The following RAB3C variants were observed in gnomAD, a reference collection of about 807,000 sequenced individuals.
RAB3C encodes the protein RAB3C, member RAS oncogene family.
RAB3C carries 17 observed loss-of-function variants against 26.4 expected under a neutral mutation model. That is an observed-to-expected ratio of 0.64 (90% CI 0.44 to 0.97). The LOEUF is 0.97. Among genes scored for constraint, RAB3C ranks in the 50% least tolerant of loss-of-function variants. The pLI is 0.00. For missense variants in RAB3C, 242 were observed against 281.9 expected, an observed-to-expected ratio of 0.86 and a Z score of 1.01; for synonymous variants, 91 against 95.9, an observed-to-expected ratio of 0.95 and a Z score of 0.30.
At chr5:58,781,214 A>G (rs1579915118) in intron 3 of RAB3C, among the ~76,000 whole-genome samples, 2 of 152,248 alleles carry the variant, frequency 1.3e-5, no homozygotes, top group South Asian at 2.1e-4. Flanking sequence ...CTGACTCCAC[A>G]CAGTATGGCC....
chr5:58,748,375 C>T (rs938841592), intron 3 of RAB3C, among the ~76,000 whole-genome samples: 1 of 152,106 alleles, frequency 6.6e-6, no homozygotes, highest in East Asian at 1.9e-4. Flanking sequence ...GTCATAAGAA[C>T]CTTGGCTCAT....
intron 2 of RAB3C, among the ~76,000 whole-genome samples, chr5:58,660,764 T>C (rs1253299344): frequency 1.3e-5 from 2 of 150,306 alleles, no homozygotes; most frequent in African/African-American, 5.0e-5. Flanking sequence ...GCTACTTCCA[T>C]CTTTCAAGTC....
intron 2 of RAB3C, among the ~76,000 whole-genome samples, chr5:58,643,212 T>C (rs1264521512): frequency 6.6e-6 from 1 of 152,234 alleles, no homozygotes; most frequent in East Asian, 1.9e-4. Flanking sequence ...TACTAGCAGA[T>C]AATTAGAGTC....
intron 3 of RAB3C, among the ~76,000 whole-genome samples, chr5:58,730,097 T>C (rs1042408300): frequency 6.6e-6 from 1 of 151,534 alleles, no homozygotes; most frequent in African/African-American, 2.4e-5. Flanking sequence ...AGATTGTGTG[T>C]GTATTGCCGC....
intron 4 of RAB3C, among the ~76,000 whole-genome samples, chr5:58,835,698 G>A (rs1475028288): frequency 6.6e-6 from 1 of 152,020 alleles, no homozygotes; most frequent in Non-Finnish European, 1.5e-5. Flanking sequence ...ACCGAAATCT[G>A]TATAAACTGC....
chr5:58,726,158 G>C, intron 3 of RAB3C, 38 bp downstream of exon 3: 1 of 1,049,134 alleles, frequency 9.5e-7, no homozygotes, highest in African/African-American at 1.6e-5. Context: ...TGATAATGAT[G>C]GTTCTCCGGT....
At position 58,764,549 on chromosome 5, in the gene RAB3C, T is replaced by G. The variant is rs138745981; in HGVS notation, c.371+38429T>G. Among the ~76,000 whole-genome samples, 123 of 152,302 alleles carry G rather than the reference T, an allele frequency of 8.1e-4. 1 individual carries two copies. Among genetic ancestry groups the G allele is most frequent in the African/African-American group, 2.8e-3 (116 of 41,572 alleles). ...TTTCAATTAAGCAAATAATGTAGTATCCAGAATACTCTCTAACATTTAATG... is the reference window on the plus strand; with the variant it reads ...TTTCAATTAAGCAAATAATGTAGTAGCCAGAATACTCTCTAACATTTAATG... On this transcript the variant is annotated intron_variant, in intron 3 of 4. Coordinates refer to ENST00000282878, the MANE Select transcript of RAB3C (RefSeq NM_138453.4).
At chr5:58,685,913 A>G (rs958285617) in intron 2 of RAB3C, among the ~76,000 whole-genome samples, 1 of 152,212 alleles carries the variant, frequency 6.6e-6, no homozygotes, top group Admixed American at 6.5e-5. Flanking sequence ...AGTAGCATAG[A>G]ATACAAAGAA....
intron 3 of RAB3C, among the ~76,000 whole-genome samples, chr5:58,756,042 G>T (rs1467112326): frequency 6.6e-6 from 1 of 151,482 alleles, no homozygotes; most frequent in East Asian, 1.9e-4. Flanking sequence ...TTATAGATAA[G>T]TTGCAAATAT....
intron 2 of RAB3C, among the ~76,000 whole-genome samples, chr5:58,707,118 A>G (rs891091440): frequency 6.6e-6 from 1 of 152,160 alleles, no homozygotes; most frequent in Non-Finnish European, 1.5e-5. Context: ...TCTTATTTCC[A>G]TTTCTGGAAA....
chr5:58,672,617 G>GT (rs1315241670), intron 2 of RAB3C, among the ~76,000 whole-genome samples: 1 of 151,964 alleles, frequency 6.6e-6, no homozygotes, highest in Non-Finnish European at 1.5e-5. Flanking sequence ...TTGGTTGGTT[G>GT]TTTTTTCCAG....
At chr5:58,766,208 C>T (rs781137048) in intron 3 of RAB3C, among the ~76,000 whole-genome samples, 13 of 151,960 alleles carry the variant, frequency 8.6e-5, no homozygotes, top group Non-Finnish European at 1.8e-4. Flanking sequence ...ACCTCCACCT[C>T]CCAGCTTTAA....
intron 1 of RAB3C, among the ~76,000 whole-genome samples, chr5:58,589,471 A>G (rs1165906804): frequency 2.6e-5 from 4 of 152,222 alleles, no homozygotes; most frequent in Non-Finnish European, 4.4e-5. Flanking sequence ...ATTTTGTTGC[A>G]TAAGATTAGC....
intron 1 of RAB3C, among the ~76,000 whole-genome samples, chr5:58,612,341 A>G (rs1163581608): frequency 6.6e-6 from 1 of 151,630 alleles, no homozygotes; most frequent in Non-Finnish European, 1.5e-5. Flanking sequence ...CATTTTAATG[A>G]TATTGCTTCT....
At chr5:58,729,832 A>G (rs1459597037) in intron 3 of RAB3C, among the ~76,000 whole-genome samples, 1 of 145,632 alleles carries the variant, frequency 6.9e-6, no homozygotes, top group East Asian at 2.0e-4. Flanking sequence ...GTATATTTAT[A>G]TTATATATAC....
In RAB3C at chr5:58,859,066, G is replaced by A. The variant is rs1000449563; in HGVS notation, c.*7715G>A. 6.6e-6 allele frequency: 1 copy of A among 152,146 alleles called. No homozygotes were observed. The highest frequency in any genetic ancestry group is 2.4e-5 in the African/African-American group (1 of 41,434). The allele number at this position is 152,146 out of a possible 1,614,324, so 9.4% of individuals were successfully genotyped here. On this transcript the variant is annotated 3_prime_UTR_variant, in exon 5 of 5. Transcript: ENST00000282878. ...CACATTTGGCCCCTTCTCAGTGACTGCACTGTGGAACTCTTCTTAAGAAAA... is the reference window on the plus strand; with the variant it reads ...CACATTTGGCCCCTTCTCAGTGACTACACTGTGGAACTCTTCTTAAGAAAA...
intron 4 of RAB3C, among the ~76,000 whole-genome samples, chr5:58,844,811 A>T (rs1490358594): frequency 6.6e-6 from 1 of 152,224 alleles, no homozygotes; most frequent in Admixed American, 6.5e-5. Context: ...TACAGAAAAA[A>T]AAATATCACT....
intron 2 of RAB3C, among the ~76,000 whole-genome samples, chr5:58,627,198 G>C (rs550776068): frequency 2.6e-5 from 4 of 152,176 alleles, no homozygotes; most frequent in Non-Finnish European, 4.4e-5. Context: ...CACCTATTGG[G>C]ATATGATTTC....
intron 3 of RAB3C, among the ~76,000 whole-genome samples, chr5:58,782,216 A>T (rs938011574): frequency 2.0e-5 from 3 of 152,144 alleles, no homozygotes; most frequent in African/African-American, 7.2e-5. Context: ...CCACAGGTTC[A>T]GACTTCAACA....
Sources: allele counts gnomAD v4.1 joint callset (sites outside exome capture counted in the v4.1 genomes callset), GRCh38; gene constraint gnomAD v4.1.1; transcripts MANE v1.5; gene names NCBI Gene and HGNC (gene_info 2026-07-23, HGNC 2026-07-21).